MED27: variants seen among roughly 807,000 people sequenced by gnomAD.
MED27 encodes mediator of RNA polymerase II transcription subunit 27.
MED27 carries 30 observed loss-of-function variants against 38.2 expected under a neutral mutation model. The ratio of observed to expected loss-of-function variants is 0.79; its 90% confidence interval spans 0.59 to 1.07. The LOEUF is 1.07. Among genes scored for constraint, MED27 ranks in the 50% least tolerant of loss-of-function variants. MED27 has a pLI of 0.00. For missense variants in MED27, 289 were observed against 397.5 expected, an observed-to-expected ratio of 0.73 and a Z score of 2.32; for synonymous variants, 122 against 153.5, an observed-to-expected ratio of 0.79 and a Z score of 1.52.
At chr9:132,079,092 C>G (rs1421218537) in intron 1 of MED27, among the ~76,000 whole-genome samples, 1 of 152,094 alleles carries the variant, frequency 6.6e-6, no homozygotes, top group Non-Finnish European at 1.5e-5. Context: ...AGTGAGGAAA[C>G]TGATCAGGTG....
chr9:132,056,696 G>A (rs939352233), intron 2 of MED27, among the ~76,000 whole-genome samples: 1 of 152,150 alleles, frequency 6.6e-6, no homozygotes, highest in African/African-American at 2.4e-5. Flanking sequence ...GATTAGGAAA[G>A]GTATAGACAC....
At chr9:131,925,569 C>T (rs1830468833) in intron 4 of MED27, among the ~76,000 whole-genome samples, 1 of 152,014 alleles carries the variant, frequency 6.6e-6, no homozygotes, top group Non-Finnish European at 1.5e-5. Flanking sequence ...GCTAAACCAA[C>T]AAATTGAATG....
intron 4 of MED27, among the ~76,000 whole-genome samples, chr9:131,902,395 A>G (rs1829967041): frequency 6.6e-6 from 1 of 152,150 alleles, no homozygotes; most frequent in Admixed American, 6.5e-5. Context: ...ATACAACCAA[A>G]AGAAAACAGA....
intron 2 of MED27, among the ~76,000 whole-genome samples, chr9:132,038,000 G>A (rs1308071627): frequency 6.6e-6 from 1 of 152,020 alleles, no homozygotes; most frequent in African/African-American, 2.4e-5. Context: ...CAACCAATAT[G>A]CAAGGAATCA....
At chr9:132,030,873 G>A (rs958277421) in intron 2 of MED27, among the ~76,000 whole-genome samples, 1 of 152,208 alleles carries the variant, frequency 6.6e-6, no homozygotes, top group Non-Finnish European at 1.5e-5. Flanking sequence ...ACAAAGAGAA[G>A]AGGAGACAGC....
intron 2 of MED27, among the ~76,000 whole-genome samples, chr9:132,038,812 G>A (rs1050916987): frequency 6.6e-6 from 1 of 152,188 alleles, no homozygotes; most frequent in Non-Finnish European, 1.5e-5. Context: ...AGGGAAGAAG[G>A]AAGGAGCTGA....
intron 2 of MED27, among the ~76,000 whole-genome samples, chr9:132,055,383 C>T (rs1833553839): frequency 6.6e-6 from 1 of 152,182 alleles, no homozygotes; most frequent in African/African-American, 2.4e-5. Flanking sequence ...GGCCTAAGCC[C>T]AGATGGAGCT....
chr9:131,930,677 C>A (rs1024619479), intron 4 of MED27, among the ~76,000 whole-genome samples: 3 of 152,114 alleles, frequency 2.0e-5, no homozygotes, highest in Non-Finnish European at 2.9e-5. Flanking sequence ...TCTGAAGGTA[C>A]AAAATTTGCT....
At chr9:132,017,086 C>T (rs1387034746) in intron 2 of MED27, among the ~76,000 whole-genome samples, 5 of 152,136 alleles carry the variant, frequency 3.3e-5, no homozygotes, top group East Asian at 3.8e-4. Flanking sequence ...TCCAGGAACA[C>T]GGCTCTGACT....
At chr9:132,025,853 ATTG>A (rs1478282922) in intron 2 of MED27, among the ~76,000 whole-genome samples, 1 of 152,204 alleles carries the variant, frequency 6.6e-6, no homozygotes, top group East Asian at 1.9e-4. Context: ...ATCGGCTGAG[ATTG>A]TTGAGCCATT....
intron 3 of MED27, among the ~76,000 whole-genome samples, chr9:131,951,898 T>C (rs778788025): frequency 6.6e-6 from 1 of 152,202 alleles, no homozygotes; most frequent in Non-Finnish European, 1.5e-5. Flanking sequence ...ACTACATCAA[T>C]GCATTTCAGT....
intron 4 of MED27, among the ~76,000 whole-genome samples, chr9:131,911,291 C>T (rs1830182494): frequency 6.6e-6 from 1 of 152,170 alleles, no homozygotes; most frequent in Admixed American, 6.5e-5. Context: ...GATTTTGGCA[C>T]TAAGATAGGT....
In MED27 at chr9:131,883,929, G is replaced by C. The variant is rs1040535287; in HGVS notation, c.723+129C>G. 1.7e-5 allele frequency: 13 copies of C among 751,786 alleles called. No individual in the cohort carries two copies. Among genetic ancestry groups the C allele is most frequent in the Non-Finnish European group, 2.4e-5 (11 of 459,930 alleles). The allele number at this position is 751,786 out of a possible 1,614,324, so 46.6% of individuals were successfully genotyped here. A position where few individuals can be genotyped will look rare whatever the true frequency, so the allele number is the denominator to read the frequency against. ...AATGTCATACATATGGAATCAGACAGTGAGCATCCTTTTCTGTCTGGCTTT... is the reference window on the plus strand; with the variant it reads ...AATGTCATACATATGGAATCAGACACTGAGCATCCTTTTCTGTCTGGCTTT... On this transcript the variant is annotated intron_variant, in intron 6 of 7. Transcript: ENST00000292035. This position sits in a 1 kb window ranked among gnomAD's most constrained non-coding sequence, Gnocchi z 4.2.
intron 3 of MED27, among the ~76,000 whole-genome samples, chr9:131,994,905 C>G (rs1054235727): frequency 6.6e-6 from 1 of 152,146 alleles, no homozygotes; most frequent in African/African-American, 2.4e-5. Context: ...GGTTTACAGA[C>G]AGGTCACTCT....
At chr9:131,893,005 G>A (rs1359710744) in intron 5 of MED27, among the ~76,000 whole-genome samples, 3 of 152,290 alleles carry the variant, frequency 2.0e-5, no homozygotes, top group East Asian at 1.9e-4. Flanking sequence ...ATTATATCAC[G>A]GGCTGTGCTT....
At chr9:132,018,394 C>T (rs1394059113) in intron 2 of MED27, among the ~76,000 whole-genome samples, 1 of 152,156 alleles carries the variant, frequency 6.6e-6, no homozygotes, top group Non-Finnish European at 1.5e-5. Flanking sequence ...AAACAGGATT[C>T]AAATGCAAAG....
chr9:132,062,642 G>A (rs894306878), intron 2 of MED27, among the ~76,000 whole-genome samples: 3 of 151,502 alleles, frequency 2.0e-5, no homozygotes, highest in African/African-American at 7.3e-5. Context: ...TAAACAGACA[G>A]GGTCTCATTC....
chr9:131,960,224 G>C (rs941704764), intron 3 of MED27, among the ~76,000 whole-genome samples: 5 of 152,048 alleles, frequency 3.3e-5, no homozygotes, highest in Admixed American at 3.3e-4. Flanking sequence ...GCAGGTCTTC[G>C]AATTCTTAAA....
chr9:132,070,826 C>T (rs551119694), intron 2 of MED27, among the ~76,000 whole-genome samples: 1 of 151,894 alleles, frequency 6.6e-6, no homozygotes, highest in African/African-American at 2.4e-5. Context: ...AGTCCCTTAC[C>T]TCCACCCCCA....
Sources: gnomAD v4.1 joint callset for allele counts (sites outside exome capture counted in the v4.1 genomes callset) on GRCh38, gnomAD v4.1.1 for gene constraint, Gnocchi (gnomAD v3.1) non-coding constraint, MANE v1.5 for transcripts, NCBI Gene and HGNC (gene_info 2026-07-23, HGNC 2026-07-21) for gene names.